TLN2: variants seen among roughly 807,000 people sequenced by gnomAD.
TLN2 encodes talin-2.
A neutral mutation model predicts 294.7 loss-of-function variants in TLN2; 118 were observed. That is an observed-to-expected ratio of 0.40 (90% CI 0.34 to 0.47). The LOEUF is 0.47. Among genes scored for constraint, TLN2 ranks in the 20% least tolerant of loss-of-function variants. The pLI, the probability that TLN2 is intolerant of heterozygous loss-of-function variation, is 0.84. For synonymous variants in TLN2, 1,431 were observed against 1,304.5 expected, an observed-to-expected ratio of 1.10 and a Z score of -2.09; for missense variants, 3,083 against 3,282.2, an observed-to-expected ratio of 0.94 and a Z score of 1.48.
chr15:62,585,011 A>G (rs1010893871), intron 1 of TLN2, among the ~76,000 whole-genome samples: 5 of 152,164 alleles, frequency 3.3e-5, no homozygotes, highest in Non-Finnish European at 5.9e-5. Flanking sequence ...TTTTACACAC[A>G]TGCAGTTGAT....
At chr15:62,791,017 T>C (rs2065037142) in intron 45 of TLN2, among the ~76,000 whole-genome samples, 1 of 152,074 alleles carries the variant, frequency 6.6e-6, no homozygotes. Flanking sequence ...TATAGAAGTG[T>C]ATAGAAAGCA....
At chr15:62,450,517 GTATGTA>G (rs2036050795) in intron 1 of TLN2, among the ~76,000 whole-genome samples, 21 of 59,646 alleles carry the variant, frequency 3.5e-4, no homozygotes, top group African/African-American at 8.8e-4. Flanking sequence ...CATCGTGTAT[GTATGTA>G]TGTATGTATG....
At chr15:62,775,914 A>G (rs116223946) in intron 42 of TLN2, among the ~76,000 whole-genome samples, 2,270 of 152,336 alleles carry the variant, frequency 0.015, 55 homozygotes, top group African/African-American at 0.051. Flanking sequence ...GCCTGCAGCC[A>G]TATCATCCCA....
At chr15:62,642,151 G>C (rs1048259448) in intron 3 of TLN2, among the ~76,000 whole-genome samples, 2 of 152,244 alleles carry the variant, frequency 1.3e-5, no homozygotes, top group African/African-American at 2.4e-5. Flanking sequence ...GAAATGGTCA[G>C]AGTGAGACAA....
intron 2 of TLN2, among the ~76,000 whole-genome samples, chr15:62,606,526 A>G (rs1304740473): frequency 6.6e-6 from 1 of 152,164 alleles, no homozygotes; most frequent in Non-Finnish European, 1.5e-5. Flanking sequence ...CCCATGGAGG[A>G]TGATGAGTCA....
At chr15:62,444,693 G>C (rs1468946903) in intron 1 of TLN2, among the ~76,000 whole-genome samples, 2 of 152,236 alleles carry the variant, frequency 1.3e-5, no homozygotes, top group Non-Finnish European at 2.9e-5. Context: ...TACTGGCTAA[G>C]GCTCTAAACT....
At chr15:62,647,848 A>G (rs966475223) in intron 4 of TLN2, among the ~76,000 whole-genome samples, 3 of 152,154 alleles carry the variant, frequency 2.0e-5, no homozygotes, top group African/African-American at 2.4e-5. Flanking sequence ...GGCAGGTCTT[A>G]TATTTCAAGT....
chr15:62,746,333 G>A (rs183158675), intron 32 of TLN2, among the ~76,000 whole-genome samples: 18 of 152,218 alleles, frequency 1.2e-4, no homozygotes, highest in Admixed American at 7.2e-4. Context: ...CTTTAAAAGC[G>A]CGCATTGAGG....
chr15:62,463,910 T>C (rs904976299), intron 1 of TLN2, among the ~76,000 whole-genome samples: 2 of 151,526 alleles, frequency 1.3e-5, no homozygotes, highest in South Asian at 2.1e-4. Flanking sequence ...AACAAACAAA[T>C]AAAAACCAGG....
At chr15:62,797,689 G>A (rs1018997277) in intron 48 of TLN2, among the ~76,000 whole-genome samples, 2 of 152,210 alleles carry the variant, frequency 1.3e-5, no homozygotes, top group Non-Finnish European at 2.9e-5. Context: ...CTGAGGGAGG[G>A]GAAGGAGTGA....
At chr15:62,548,164 A>G (rs933861775) in intron 1 of TLN2, among the ~76,000 whole-genome samples, 7 of 152,166 alleles carry the variant, frequency 4.6e-5, no homozygotes, top group East Asian at 1.9e-4. Context: ...CCTCGGAGGG[A>G]TTAGGACTCC....
chr15:62,451,187 G>A (rs1183522415), intron 1 of TLN2, among the ~76,000 whole-genome samples: 1 of 152,126 alleles, frequency 6.6e-6, no homozygotes, highest in Admixed American at 6.5e-5. Flanking sequence ...GAGGGACCAG[G>A]GCACACTGAT....
At chr15:62,784,536 C>G (rs1035410548) in intron 45 of TLN2, 7 of 152,420 alleles carry the variant, frequency 4.6e-5, no homozygotes, top group African/African-American at 1.7e-4. Context: ...AGGCCACTTT[C>G]TAAGAGCTGC....
intron 1 of TLN2, among the ~76,000 whole-genome samples, chr15:62,423,526 C>G (rs1447649883): frequency 1.3e-5 from 2 of 152,140 alleles, no homozygotes; most frequent in Non-Finnish European, 2.9e-5. Context: ...AACCACACAT[C>G]TTTTTCACAT....
chr15:62,659,787 C>G (rs998327691), intron 9 of TLN2, among the ~76,000 whole-genome samples: 1 of 152,112 alleles, frequency 6.6e-6, no homozygotes. Context: ...TTTAATTAGG[C>G]CAAATTAGGT....
chr15:62,724,996 G>T lies in TLN2; in HGVS notation c.3147G>T (p.Pro1049=), dbSNP rs1408683489. The T allele has an allele frequency of 6.2e-7, 1 of 1,612,382 alleles. No homozygotes were observed. The highest frequency in any genetic ancestry group is 1.3e-5 in the African/African-American group (1 of 75,000). The change falls in exon 27 of 59, where the codon CCG becomes CCT. Residue 1049 remains proline, a synonymous_variant. Transcript: ENST00000636159. The part of the protein sequence containing the change: ...ASQKAHEACG[P]MEIDSALNTV... ...GGCAGGCCCATGAAGCTTGTGGTCC[G>T]ATGGAAATCGATTCAGCTCTGAATA...
chr15:62,723,231 T>C (rs924158534), intron 26 of TLN2, among the ~76,000 whole-genome samples: 1 of 152,210 alleles, frequency 6.6e-6, no homozygotes, highest in Non-Finnish European at 1.5e-5. Flanking sequence ...AATAAAAATA[T>C]CCAGAGCTTT....
At chr15:62,606,323 T>A (rs952831463) in intron 2 of TLN2, among the ~76,000 whole-genome samples, 1 of 151,626 alleles carries the variant, frequency 6.6e-6, no homozygotes, top group Non-Finnish European at 1.5e-5. Context: ...ATTCCTGACC[T>A]CAGGCGATCC....
intron 12 of TLN2, among the ~76,000 whole-genome samples, chr15:62,690,934 G>A (rs1053551805): frequency 1.3e-5 from 2 of 151,238 alleles, no homozygotes; most frequent in Non-Finnish European, 1.5e-5. Context: ...GAATCAGGCA[G>A]GGAGGTTGCA....
Sources: allele counts gnomAD v4.1 joint callset (sites outside exome capture counted in the v4.1 genomes callset), GRCh38; gene constraint gnomAD v4.1.1; transcripts MANE v1.5; gene names NCBI Gene and HGNC (gene_info 2026-07-23, HGNC 2026-07-21).